SCAPER: variants seen among roughly 807,000 people sequenced by gnomAD.
The protein encoded by SCAPER is S phase cyclin A-associated protein in the endoplasmic reticulum.
Under a neutral mutation model 182.2 loss-of-function variants are expected in SCAPER, and 98 were observed. The ratio of observed to expected loss-of-function variants is 0.54; its 90% confidence interval spans 0.46 to 0.64. SCAPER has a LOEUF of 0.64. Ranked by LOEUF, SCAPER falls within the 30% of genes least tolerant of loss-of-function variation. SCAPER has a pLI of 0.00. For missense variants in SCAPER, 1,432 were observed against 1,690.0 expected (o/e 0.85, Z 2.68); for synonymous variants, 605 against 564.6 (o/e 1.07, Z -1.01).
intron 25 of SCAPER, among the ~76,000 whole-genome samples, chr15:76,438,279 C>CAAAA (rs372587932): frequency 0.012 from 1,280 of 110,626 alleles, 23 homozygotes; most frequent in East Asian, 0.021. Context: ...GAGACTGTCT[C>CAAAA]AAAAAAAAAA....
intron 20 of SCAPER, among the ~76,000 whole-genome samples, chr15:76,674,996 C>G (rs922456032): frequency 3.3e-5 from 5 of 152,080 alleles, no homozygotes; most frequent in Non-Finnish European, 7.4e-5. Flanking sequence ...TAAAAAATAG[C>G]CATAATGAAA....
In SCAPER at chr15:76,839,224, T is replaced by C. The variant is rs571713400; in HGVS notation, c.393+2510A>G. ...CCATGTGAATTACATATATGTGTTA[T>C]TAACTGCATTTTACATATGAGACAC... On this transcript the variant is annotated intron_variant, in intron 5 of 31. Transcript: ENST00000563290. 2.0e-5 allele frequency among the ~76,000 whole-genome samples: 3 copies of C among 152,356 alleles called. No individual in the cohort carries two copies. In the East Asian group the frequency reaches 5.8e-4, roughly 29 times the overall value.
chr15:76,460,088 T>C (rs1179361419), intron 25 of SCAPER, among the ~76,000 whole-genome samples: 1 of 151,862 alleles, frequency 6.6e-6, no homozygotes, highest in Admixed American at 6.6e-5. Context: ...TAATATATGA[T>C]TTTTTTTCTG....
chr15:76,754,324 T>C (rs2062278701), intron 14 of SCAPER, among the ~76,000 whole-genome samples: 2 of 152,052 alleles, frequency 1.3e-5, no homozygotes, highest in Admixed American at 1.3e-4. Flanking sequence ...CATGAGTATG[T>C]TTAAAATGAA....
At position 76,801,460 on chromosome 15, in the gene SCAPER, A is replaced by C. The variant is rs535950085; in HGVS notation, c.495-1096T>G. Among the ~76,000 whole-genome samples the C allele has an allele frequency of 3.9e-5, 6 of 152,338 alleles. No individual in the cohort carries two copies. The East Asian group carries it at 9.6e-4, about 24-fold the overall frequency. ...TTCTTCTTTAAACATATACAACTTCAGTTTTTACATTTAAATCTCCAGGCT... is the reference window on the plus strand; with the variant it reads ...TTCTTCTTTAAACATATACAACTTCCGTTTTTACATTTAAATCTCCAGGCT... On this transcript the variant is annotated intron_variant, in intron 6 of 31. Coordinates refer to ENST00000563290, the MANE Select transcript of SCAPER (RefSeq NM_020843.4).
intron 26 of SCAPER, among the ~76,000 whole-genome samples, chr15:76,432,099 G>A (rs1362116762): frequency 6.6e-6 from 1 of 152,246 alleles, no homozygotes; most frequent in Admixed American, 6.5e-5. Flanking sequence ...GCTAAGGCAT[G>A]TGGCTAAGTT....
At chr15:76,694,527 T>G (rs1265372959) in intron 20 of SCAPER, among the ~76,000 whole-genome samples, 1 of 152,086 alleles carries the variant, frequency 6.6e-6, no homozygotes, top group Non-Finnish European at 1.5e-5. Flanking sequence ...TATACCTCAA[T>G]AAAGTTGGAA....
chr15:76,621,619 T>C, intron 22 of SCAPER, 145 bp downstream of exon 22: 1 of 680,854 alleles, frequency 1.5e-6, no homozygotes. Flanking sequence ...AACTCTCCTC[T>C]AGTTGGATAC....
intron 5 of SCAPER, among the ~76,000 whole-genome samples, chr15:76,835,943 A>G (rs1197344824): frequency 6.6e-6 from 1 of 151,794 alleles, no homozygotes; most frequent in East Asian, 1.9e-4. Context: ...CAAAAAAAAA[A>G]AAAAAAAAAA....
Position 76,538,066 on chromosome 15 carries a change from A to G in SCAPER, c.2839-33092T>C, listed in dbSNP as rs1352120339. 2.6e-5 allele frequency among the ~76,000 whole-genome samples: 4 copies of G among 151,456 alleles called. 1 individual carries two copies. The highest frequency in any genetic ancestry group is 9.7e-5 in the African/African-American group (4 of 41,294). ...GTGATCATTAAAAAGTCAGGAAACA[A>G]CAGGTGCTGGAGAGGATGTGGAGAA... On this transcript the variant is annotated intron_variant, in intron 23 of 31. Coordinates refer to ENST00000563290, the MANE Select transcript of SCAPER (RefSeq NM_020843.4).
chr15:76,476,566 C>G (rs4592614), intron 24 of SCAPER, among the ~76,000 whole-genome samples: 1 of 143,860 alleles, frequency 7.0e-6, no homozygotes, highest in East Asian at 2.1e-4. Flanking sequence ...GTAGCTGGAT[C>G]TACAGGTACA....
chr15:76,854,621 G>C lies in SCAPER; in HGVS notation c.195+3188C>G, dbSNP rs547685471. ...TGATAAAAAACTATTTAAAATTCAT[G>C]TGGAACCAAAAAAACGCCCAAATAG... On this transcript the variant is annotated intron_variant, in intron 4 of 31. Transcript: ENST00000563290. 7.9e-5 allele frequency among the ~76,000 whole-genome samples: 12 copies of C among 151,904 alleles called. No individual in the cohort carries two copies. The South Asian group carries it at 2.1e-3, about 26-fold the overall frequency.
chr15:76,731,503 G>A (rs1002570812), intron 16 of SCAPER, among the ~76,000 whole-genome samples: 4 of 152,206 alleles, frequency 2.6e-5, no homozygotes, highest in Non-Finnish European at 5.9e-5. Context: ...CCATGAGAAT[G>A]CTTCAAGAGT....
intron 22 of SCAPER, among the ~76,000 whole-genome samples, chr15:76,611,985 T>C (rs993493399): frequency 6.6e-6 from 1 of 152,100 alleles, no homozygotes; most frequent in Admixed American, 6.5e-5. Flanking sequence ...ACAGCCAACA[T>C]TGCACTAAAC....
chr15:76,618,059 G>C (rs983873945), intron 22 of SCAPER, among the ~76,000 whole-genome samples: 1 of 152,140 alleles, frequency 6.6e-6, no homozygotes, highest in Non-Finnish European at 1.5e-5. Context: ...AGGAGATCGA[G>C]ACCAGTCTGA....
chr15:76,357,988 A>G (rs2041118707), intron 29 of SCAPER, among the ~76,000 whole-genome samples: 2 of 152,208 alleles, frequency 1.3e-5, no homozygotes, highest in Non-Finnish European at 2.9e-5. Flanking sequence ...GATGGGTACA[A>G]CGTATACTAT....
rs1189380440 is a variant in SCAPER, at chr15:76,495,989, G to GAC, written c.2954+8869_2954+8870insGT. ...GGAGAAAGAGAAAGAAAGCAAAAGA[G>GAC]AGAGACACACACACACACACACACA... On this transcript the variant is annotated intron_variant, in intron 24 of 31. Coordinates refer to ENST00000563290, the MANE Select transcript of SCAPER (RefSeq NM_020843.4). Among the ~76,000 whole-genome samples the GAC allele has an allele frequency of 8.6e-3, 908 of 105,554 alleles. 15 individuals carry two copies. The highest frequency in any genetic ancestry group is 0.024 in the Middle Eastern group (5 of 208). The allele number at this position is 105,554 out of a possible 152,430, so 69.2% of individuals were successfully genotyped here. A position where few individuals can be genotyped will look rare whatever the true frequency, so the allele number is the denominator to read the frequency against.
chr15:76,390,139 TA>T (rs1567044234), intron 27 of SCAPER, among the ~76,000 whole-genome samples: 1 of 152,114 alleles, frequency 6.6e-6, no homozygotes, highest in South Asian at 2.1e-4. Flanking sequence ...TAATTTTTTG[TA>T]AGATGAGGTC....
intron 2 of SCAPER, among the ~76,000 whole-genome samples, chr15:76,870,038 A>C (rs1352613223): frequency 6.6e-6 from 1 of 152,064 alleles, no homozygotes; most frequent in African/African-American, 2.4e-5. Context: ...TTGGAGCTAA[A>C]AAAGTGGATC....
Sources: gnomAD v4.1 joint callset for allele counts (sites outside exome capture counted in the v4.1 genomes callset) on GRCh38, gnomAD v4.1.1 for gene constraint, MANE v1.5 for transcripts, NCBI Gene and HGNC (gene_info 2026-07-23, HGNC 2026-07-21) for gene names.